Variants in UNC45B observed in about 807,000 individuals in gnomAD.
UNC45B encodes protein unc-45 homolog B.
Under a neutral mutation model 98.7 loss-of-function variants are expected in UNC45B, and 78 were observed. The ratio of observed to expected loss-of-function variants is 0.79; its 90% CI spans 0.66 to 0.95. The LOEUF (loss-of-function observed/expected upper bound fraction) is 0.95, where lower values mean the gene tolerates loss of function less well. Ranked by LOEUF, UNC45B falls within the 40% of genes least tolerant of loss-of-function variation. UNC45B has a pLI of 0.00. For missense variants in UNC45B, 1,225 were observed against 1,184.9 expected (o/e 1.03, Z -0.50); for synonymous variants, 462 against 480.4 (o/e 0.96, Z 0.50).
chr17:35,159,689 T>A lies in UNC45B; in HGVS notation c.979+144T>A, dbSNP rs935567211. 8 of 928,772 alleles carry A rather than the reference T, an allele frequency of 8.6e-6. No homozygotes were observed. In the Admixed American group the frequency reaches 2.3e-4, roughly 27 times the overall value. The allele number at this position is 928,772 out of a possible 1,614,324, so 57.5% of individuals were successfully genotyped here. A position where few individuals can be genotyped will look rare whatever the true frequency, so the allele number is the denominator to read the frequency against. On this transcript the variant is annotated intron_variant, in intron 8 of 19. Transcript: ENST00000394570. The stretch of plus-strand genomic sequence containing the variant: ...GAGAAAAGGCATTGGCCCATCAGGA[T>A]CCACCAGTGGGCCTGTGAAGGTGCA...
chr17:35,148,112 T>C (rs921780868), intron 1 of UNC45B, 152 bp from the exon 2 acceptor site: 1 of 780,472 alleles, frequency 1.3e-6, no homozygotes, highest in African/African-American at 1.8e-5. Context: ...GGCAATAGAT[T>C]TGGGGGTTCT....
intron 7 of UNC45B, among the ~76,000 whole-genome samples, chr17:35,158,672 T>G (rs1212012536): frequency 2.0e-5 from 3 of 152,034 alleles, no homozygotes; most frequent in Non-Finnish European, 4.4e-5. Flanking sequence ...ACAGAAGGAG[T>G]CTGTTATCTC....
chr17:35,159,345 C>G, intron 7 of UNC45B, 30 bp from the exon 8 acceptor site: 1 of 1,595,342 alleles, frequency 6.3e-7, no homozygotes, highest in Non-Finnish European at 8.6e-7. Context: ...TCCTACCCCT[C>G]TCTACTTACC....
chr17:35,148,897 C>T, intron 2 of UNC45B, 76 bp from the exon 3 acceptor site: 4 of 1,561,884 alleles, frequency 2.6e-6, no homozygotes, highest in Non-Finnish European at 3.5e-6. Context: ...TCTCCCCACA[C>T]TGTGGGGACA....
At chr17:35,161,310 G>A (rs1244825953) in intron 8 of UNC45B, among the ~76,000 whole-genome samples, 1 of 152,220 alleles carries the variant, frequency 6.6e-6, no homozygotes, top group East Asian at 1.9e-4. Context: ...GAGGTGTTAT[G>A]TGTTGTGCAA....
At chr17:35,177,979 A>G (rs947027069) in intron 17 of UNC45B, among the ~76,000 whole-genome samples, 2 of 150,726 alleles carry the variant, frequency 1.3e-5, no homozygotes, top group Non-Finnish European at 2.9e-5. Context: ...AGCTCACTGC[A>G]CCCTCTGCCT....
chr17:35,180,206 A>G (rs2092263654), intron 17 of UNC45B, among the ~76,000 whole-genome samples: 1 of 151,448 alleles, frequency 6.6e-6, no homozygotes. Context: ...TCTCATGGTT[A>G]TAAGGGCAGT....
chr17:35,169,956 C>T, intron 11 of UNC45B, 25 bp downstream of exon 11: 1 of 1,613,742 alleles, frequency 6.2e-7, no homozygotes, highest in Non-Finnish European at 8.5e-7. Flanking sequence ...TTTCCCAGGC[C>T]CTCCATCTCC....
rs749781772 is a variant in UNC45B, at chr17:35,186,565, G to C, written c.*6G>C. 1.2e-6 allele frequency: 2 copies of C among 1,613,766 alleles called. No individual in the cohort carries two copies. The highest frequency in any genetic ancestry group is 1.3e-5 in the African/African-American group (1 of 74,942). On this transcript the variant is annotated 3_prime_UTR_variant, in exon 20 of 20. Coordinates refer to ENST00000394570, the MANE Select transcript of UNC45B (RefSeq NM_001267052.2). Reference sequence around the variant, plus strand: ...TCATTAAACCAGTGTCTTAGACAGCGACCCTCAGGGATGCTGGGAGTGGTC... The same window carrying C: ...TCATTAAACCAGTGTCTTAGACAGCCACCCTCAGGGATGCTGGGAGTGGTC...
intron 6 of UNC45B, 116 bp from the exon 7 acceptor site, chr17:35,155,180 C>A: frequency 7.6e-7 from 1 of 1,308,594 alleles, no homozygotes; most frequent in Non-Finnish European, 1.0e-6. Flanking sequence ...GCTGCCTGGG[C>A]TGATTTCTCT....
chr17:35,165,993 G>A (rs2142558357), intron 9 of UNC45B, among the ~76,000 whole-genome samples: 1 of 145,248 alleles, frequency 6.9e-6, no homozygotes, highest in African/African-American at 2.5e-5. Context: ...GCTCATGCCT[G>A]TAATCCTAGC....
At chr17:35,163,443 G>A (rs1378264764) in intron 8 of UNC45B, among the ~76,000 whole-genome samples, 1 of 152,168 alleles carries the variant, frequency 6.6e-6, no homozygotes, top group Non-Finnish European at 1.5e-5. Context: ...TTTTTCAACA[G>A]AAGAGATGAG....
chr17:35,157,056 C>G (rs1346226695), intron 7 of UNC45B, among the ~76,000 whole-genome samples: 1 of 151,180 alleles, frequency 6.6e-6, no homozygotes, highest in Non-Finnish European at 1.5e-5. Flanking sequence ...GCCAAAGAGG[C>G]AGGTTCACTC....
intron 7 of UNC45B, among the ~76,000 whole-genome samples, chr17:35,156,063 T>C (rs1213114639): frequency 6.6e-6 from 1 of 152,046 alleles, no homozygotes; most frequent in Non-Finnish European, 1.5e-5. Context: ...TCAATGAACA[T>C]TAGGACATTA....
In UNC45B at chr17:35,183,411, T is replaced by G; in HGVS notation, c.2374-16T>G. 6.5e-7 allele frequency: 1 copy of G among 1,531,582 alleles called. No individual in the cohort carries two copies. The highest frequency in any genetic ancestry group is 8.8e-7 in the Non-Finnish European group (1 of 1,137,702). The allele number at this position is 1,531,582 out of a possible 1,614,324, so 94.9% of individuals were successfully genotyped here. ...TGGGGACAGTTTTCTCTGAGCCATG[T>G]TCCTGCCTCCCACAGGTACAGGAAA... On this transcript the variant is annotated splice_polypyrimidine_tract_variant and intron_variant, in intron 18 of 19. Transcript: ENST00000394570.
chr17:35,168,947 T>A (rs2092162332), intron 10 of UNC45B, among the ~76,000 whole-genome samples: 1 of 151,832 alleles, frequency 6.6e-6, no homozygotes, highest in Non-Finnish European at 1.5e-5. Flanking sequence ...CCTCAGGTGA[T>A]CCACCCCCCT....
chr17:35,169,440 T>G (rs1425762261), intron 10 of UNC45B, among the ~76,000 whole-genome samples: 1 of 152,212 alleles, frequency 6.6e-6, no homozygotes, highest in Non-Finnish European at 1.5e-5. Flanking sequence ...GGGTAAAATT[T>G]TGCACATCTG....
Position 35,188,742 on chromosome 17 carries a change from T to C in UNC45B, c.*2183T>C, listed in dbSNP as rs2092317521. ...ATTTTGTAAATAGTCCAAGAAGATC[T>C]AGAGGAAAGCTGAATTCCTTCATCT... On this transcript the variant is annotated 3_prime_UTR_variant, in exon 20 of 20. Transcript: ENST00000394570. 1 of 152,192 alleles carries C rather than the reference T, an allele frequency of 6.6e-6. No homozygotes were observed. Among genetic ancestry groups the C allele is most frequent in the Admixed American group, 6.5e-5 (1 of 15,282 alleles). The allele number at this position is 152,192 out of a possible 1,614,324, so 9.4% of individuals were successfully genotyped here. A position where few individuals can be genotyped will look rare whatever the true frequency, so the allele number is the denominator to read the frequency against.
At chr17:35,174,979 AAGG>A (rs1337869214) in intron 14 of UNC45B, among the ~76,000 whole-genome samples, 5 of 149,462 alleles carry the variant, frequency 3.3e-5, no homozygotes, top group Admixed American at 6.7e-5. Flanking sequence ...AAGAGGAAGA[AAGG>A]AGGGAGGGAA....
Sources: allele counts gnomAD v4.1 joint callset (sites outside exome capture counted in the v4.1 genomes callset), GRCh38; gene constraint gnomAD v4.1.1; transcripts MANE v1.5; gene names NCBI Gene and HGNC (gene_info 2026-07-23, HGNC 2026-07-21).